CAMTA1: variants seen among roughly 807,000 people sequenced by gnomAD.
The protein encoded by CAMTA1 is calmodulin-binding transcription activator 1.
A neutral mutation model predicts 170.9 loss-of-function variants in CAMTA1; 27 were observed. The observed-to-expected ratio is 0.16, with a 90% CI of 0.12 to 0.22. The LOEUF is 0.22. CAMTA1 is among the 10% of genes least tolerant of loss of function. CAMTA1 has a pLI of 1.00. For missense variants in CAMTA1, 1,619 were observed against 2,217.2 expected, an observed-to-expected ratio of 0.73 and a Z score of 5.42; for synonymous variants, 833 against 891.5, an observed-to-expected ratio of 0.93 and a Z score of 1.17.
intron 5 of CAMTA1, among the ~76,000 whole-genome samples, chr1:7,390,743 A>G (rs2088602926): frequency 6.6e-6 from 1 of 152,238 alleles, no homozygotes; most frequent in Admixed American, 6.5e-5. Context: ...CCCCACATGC[A>G]TTCCTACGGG....
At chr1:7,200,941 A>G (rs1656564328) in intron 4 of CAMTA1, among the ~76,000 whole-genome samples, 1 of 152,230 alleles carries the variant, frequency 6.6e-6, no homozygotes, top group Non-Finnish European at 1.5e-5. Context: ...AGAGTGTACA[A>G]TTCAAAGGTT....
At chr1:7,711,313 G>T (rs569294282) in intron 11 of CAMTA1, among the ~76,000 whole-genome samples, 6 of 152,228 alleles carry the variant, frequency 3.9e-5, no homozygotes, top group African/African-American at 1.4e-4. Context: ...ATACCATCAC[G>T]TTGGGAGTTG....
intron 3 of CAMTA1, chr1:6,888,090 C>T (rs1196229486): frequency 1.2e-5 from 12 of 1,016,220 alleles, no homozygotes; most frequent in Non-Finnish European, 1.3e-5. Context: ...CCACCTGTCT[C>T]ATCAGAATGG....
intron 1 of CAMTA1, among the ~76,000 whole-genome samples, chr1:6,792,969 A>G (rs1320821542): frequency 2.0e-5 from 3 of 152,040 alleles, no homozygotes; most frequent in Non-Finnish European, 4.4e-5. Flanking sequence ...TTATGTGGAG[A>G]CTAAGTGGCA....
intron 11 of CAMTA1, 94 bp downstream of exon 11, chr1:7,677,827 G>T: frequency 7.0e-7 from 1 of 1,435,008 alleles, no homozygotes. Flanking sequence ...TAAGCACCCA[G>T]AAAGGGGCAG....
Position 7,398,211 on chromosome 1 carries a change from A to C in CAMTA1, c.439-69619A>C, listed in dbSNP as rs866860709. Among the ~76,000 whole-genome samples the C allele has an allele frequency of 7.9e-3, 841 of 106,252 alleles. 6 individuals carry two copies. The highest frequency in any genetic ancestry group is 0.014 in the African/African-American group (366 of 26,550). The allele number at this position is 106,252 out of a possible 152,430, so 69.7% of individuals were successfully genotyped here. On this transcript the variant is annotated intron_variant, in intron 5 of 22. Coordinates refer to ENST00000303635, the MANE Select transcript of CAMTA1 (RefSeq NM_015215.4). Reference sequence around the variant, plus strand: ...TCTCTCTCTATATATATATATATATATATATATATATATATATATATATAT... The same window carrying C: ...TCTCTCTCTATATATATATATATATCTATATATATATATATATATATATAT...
At position 7,067,346 on chromosome 1, in the gene CAMTA1, A is replaced by G. The variant is rs945805326; in HGVS notation, c.235-23958A>G. ...ATAGGACTCCTTTAACTCCTTAGGA[A>G]GTTCCCTGTCTTTAAGCATTGTCTT... On this transcript the variant is annotated intron_variant, in intron 3 of 22. Transcript: ENST00000303635. The surrounding 1 kb of genome is among the most constrained non-coding windows in gnomAD (Gnocchi z 4.3). Among the ~76,000 whole-genome samples, 1 of 152,236 alleles carries G rather than the reference A, an allele frequency of 6.6e-6. No homozygotes were observed. The highest frequency in any genetic ancestry group is 2.4e-5 in the African/African-American group (1 of 41,460).
At chr1:7,485,414 TG>T (rs1198562463) in intron 6 of CAMTA1, among the ~76,000 whole-genome samples, 1 of 152,096 alleles carries the variant, frequency 6.6e-6, no homozygotes, top group Non-Finnish European at 1.5e-5. Context: ...CAGCTGCCTT[TG>T]GGGGCAGCTG....
intron 6 of CAMTA1, among the ~76,000 whole-genome samples, chr1:7,638,339 T>C (rs979958536): frequency 6.6e-6 from 1 of 152,054 alleles, no homozygotes; most frequent in Non-Finnish European, 1.5e-5. Flanking sequence ...CTTAGGAGAA[T>C]GCAAGAAAAA....
intron 5 of CAMTA1, among the ~76,000 whole-genome samples, chr1:7,400,543 TG>T (rs1553156793): frequency 1.3e-5 from 2 of 152,140 alleles, no homozygotes; most frequent in Non-Finnish European, 2.9e-5. Flanking sequence ...ATTTCTTTGT[TG>T]TTTTTTTTTC....
intron 3 of CAMTA1, among the ~76,000 whole-genome samples, chr1:6,831,410 C>A (rs1471587754): frequency 6.6e-6 from 1 of 152,240 alleles, no homozygotes; most frequent in Non-Finnish European, 1.5e-5. Context: ...GCTAACACAA[C>A]TGTCTGAATT....
intron 1 of CAMTA1, 91 bp from the exon 2 acceptor site, chr1:6,820,090 C>T (rs1349362834): frequency 1.3e-6 from 1 of 767,318 alleles, no homozygotes. Flanking sequence ...TGATTAGATT[C>T]AGGTTTTGCA....
intron 4 of CAMTA1, among the ~76,000 whole-genome samples, chr1:7,233,583 A>C (rs1663236189): frequency 6.6e-6 from 1 of 152,166 alleles, no homozygotes; most frequent in Non-Finnish European, 1.5e-5. Context: ...TGCTCATTTG[A>C]TGAGGACTTA....
intron 6 of CAMTA1, among the ~76,000 whole-genome samples, chr1:7,613,636 G>A (rs1188903473): frequency 6.6e-6 from 1 of 152,088 alleles, no homozygotes; most frequent in Non-Finnish European, 1.5e-5. Flanking sequence ...GCCAAGCAGG[G>A]AATGGGAGCC....
chr1:7,305,494 G>C (rs1258737050), intron 5 of CAMTA1, among the ~76,000 whole-genome samples: 1 of 151,914 alleles, frequency 6.6e-6, no homozygotes, highest in African/African-American at 2.4e-5. Context: ...CATAGGTTTT[G>C]TCTTTTTGAA....
intron 1 of CAMTA1, among the ~76,000 whole-genome samples, chr1:6,793,211 C>G (rs1217655047): frequency 6.6e-6 from 1 of 152,078 alleles, no homozygotes; most frequent in Non-Finnish European, 1.5e-5. Context: ...GGTGCATAAG[C>G]AGATAATTTT....
At chr1:6,845,262 G>A (rs1657597538) in intron 3 of CAMTA1, among the ~76,000 whole-genome samples, 1 of 152,186 alleles carries the variant, frequency 6.6e-6, no homozygotes, top group Non-Finnish European at 1.5e-5. Context: ...TCGCTGACAA[G>A]GCCGGCAGTT....
chr1:7,672,098 G>T, intron 10 of CAMTA1: 1 of 456,042 alleles, frequency 2.2e-6, no homozygotes, highest in South Asian at 1.5e-5. Context: ...CCATAAACAG[G>T]AGGGGGGTAA....
intron 6 of CAMTA1, among the ~76,000 whole-genome samples, chr1:7,597,044 T>A (rs1424738400): frequency 6.6e-6 from 1 of 152,134 alleles, no homozygotes; most frequent in African/African-American, 2.4e-5. Context: ...ATTGTTGGCA[T>A]CTTCATCCTT....
Sources: gnomAD v4.1 joint callset for allele counts (sites outside exome capture counted in the v4.1 genomes callset) on GRCh38, gnomAD v4.1.1 for gene constraint, Gnocchi (gnomAD v3.1) non-coding constraint, MANE v1.5 for transcripts, NCBI Gene and HGNC (gene_info 2026-07-23, HGNC 2026-07-21) for gene names.